Variants in RIPOR2 observed in about 807,000 individuals in gnomAD.
RIPOR2 encodes the protein RHO family interacting cell polarization regulator 2.
A neutral mutation model predicts 114.5 loss-of-function variants in RIPOR2; 39 were observed. That is an observed-to-expected ratio of 0.34 (90% confidence interval 0.26 to 0.44). The LOEUF (loss-of-function observed/expected upper bound fraction) is 0.44. Ranked by LOEUF, RIPOR2 falls within the 20% of genes least tolerant of loss-of-function variation. The pLI, the probability that RIPOR2 is intolerant of heterozygous loss-of-function variation, is 1.00. For synonymous variants in RIPOR2, 445 were observed against 484.4 expected (o/e 0.92, Z 1.07); for missense variants, 1,007 against 1,255.1 (o/e 0.80, Z 2.99).
intron 13 of RIPOR2, chr6:24,839,823 A>T (rs940507282): frequency 7.5e-7 from 1 of 1,328,252 alleles, no homozygotes; most frequent in Non-Finnish European, 9.6e-7. Context: ...GTTTTACAAA[A>T]GGCGCTAGCT....
chr6:24,877,208 C>T (rs757157277), intron 1 of RIPOR2: 14 of 985,458 alleles, frequency 1.4e-5, no homozygotes, highest in African/African-American at 1.7e-5. Flanking sequence ...CTACGCGAAG[C>T]AGCTCAGCAA....
chr6:24,912,880 T>C (rs1769773785), intron 1 of RIPOR2, among the ~76,000 whole-genome samples: 1 of 152,170 alleles, frequency 6.6e-6, no homozygotes, highest in Non-Finnish European at 1.5e-5. Context: ...AGGCAGATGA[T>C]GTTAGGTACT....
At chr6:24,864,786 AC>A (rs1395622260) in intron 7 of RIPOR2, among the ~76,000 whole-genome samples, 1 of 152,152 alleles carries the variant, frequency 6.6e-6, no homozygotes, top group Non-Finnish European at 1.5e-5. Context: ...ATTAAAAAAA[AC>A]ATTGTAGGCA....
intron 1 of RIPOR2, among the ~76,000 whole-genome samples, chr6:24,997,438 AC>A (rs1775097096): frequency 6.6e-6 from 1 of 152,218 alleles, no homozygotes; most frequent in African/African-American, 2.4e-5. Flanking sequence ...TGCAGTCCTT[AC>A]AGCCTCCATG....
chr6:24,984,477 G>A (rs1224207452), intron 1 of RIPOR2, among the ~76,000 whole-genome samples: 4 of 152,108 alleles, frequency 2.6e-5, no homozygotes, highest in Non-Finnish European at 5.9e-5. Flanking sequence ...TTTCTAATCT[G>A]TAAAACTGGA....
At chr6:24,989,949 T>C (rs939328314) in intron 1 of RIPOR2, among the ~76,000 whole-genome samples, 3 of 151,872 alleles carry the variant, frequency 2.0e-5, no homozygotes, top group African/African-American at 7.3e-5. Flanking sequence ...GAGAATTGCT[T>C]GAACCTGGGA....
At chr6:24,808,201 T>TGATGGATTCTGGA (rs1274912247) in intron 21 of RIPOR2, among the ~76,000 whole-genome samples, 1 of 152,164 alleles carries the variant, frequency 6.6e-6, no homozygotes, top group Non-Finnish European at 1.5e-5. Flanking sequence ...GCAGGTATGG[T>TGATGGATTCTGGA]GATGGCTTCT....
At chr6:24,885,152 G>A (rs764353044) in intron 1 of RIPOR2, among the ~76,000 whole-genome samples, 3 of 152,116 alleles carry the variant, frequency 2.0e-5, no homozygotes, top group South Asian at 2.1e-4. Context: ...TACATAAAGC[G>A]GATTGGAGAC....
At chr6:24,832,759 G>T (rs1051277459) in intron 15 of RIPOR2, among the ~76,000 whole-genome samples, 41 of 152,192 alleles carry the variant, frequency 2.7e-4, no homozygotes, top group African/African-American at 9.9e-4. Flanking sequence ...TCTTACAAAT[G>T]CAGTAATTTT....
chr6:24,895,551 T>C (rs1767784226), intron 1 of RIPOR2, among the ~76,000 whole-genome samples: 1 of 152,156 alleles, frequency 6.6e-6, no homozygotes, highest in South Asian at 2.1e-4. Context: ...AAAGGAGTCA[T>C]TCATGTTCTT....
intron 14 of RIPOR2, among the ~76,000 whole-genome samples, chr6:24,837,911 G>A (rs1761261167): frequency 6.6e-6 from 1 of 152,112 alleles, no homozygotes; most frequent in South Asian, 2.1e-4. Flanking sequence ...ATAGCTTGCT[G>A]TAACTTGAAA....
chr6:24,940,532 C>T (rs779023634), upstream of RIPOR2, among the ~76,000 whole-genome samples: 1 of 152,086 alleles, frequency 6.6e-6, no homozygotes, highest in Non-Finnish European at 1.5e-5. Flanking sequence ...AAAAAAACCA[C>T]AGAGTCAGAA....
intron 13 of RIPOR2, 128 bp from the exon 14 acceptor site, chr6:24,839,400 A>G: frequency 7.0e-7 from 1 of 1,437,674 alleles, no homozygotes; most frequent in South Asian, 1.5e-5. Context: ...TTAGCATTTA[A>G]AAAATGCATT....
chr6:25,023,708 C>G, intron 1 of RIPOR2: 2 of 769,904 alleles, frequency 2.6e-6, no homozygotes, highest in Middle Eastern at 3.4e-4. Flanking sequence ...ACAGCCCACA[C>G]CGTGTTTGTC....
chr6:25,000,913 G>A (rs976546856), intron 1 of RIPOR2, among the ~76,000 whole-genome samples: 4 of 152,268 alleles, frequency 2.6e-5, no homozygotes, highest in African/African-American at 9.6e-5. Flanking sequence ...CATAATTCCT[G>A]TATATTGACC....
intron 8 of RIPOR2, among the ~76,000 whole-genome samples, chr6:24,854,444 G>A (rs745629431): frequency 3.3e-5 from 5 of 152,170 alleles, no homozygotes; most frequent in East Asian, 1.9e-4. Flanking sequence ...ATGAATAAAC[G>A]TGTGGGGACG....
chr6:24,964,236 T>C (rs1773430251), intron 1 of RIPOR2, among the ~76,000 whole-genome samples: 1 of 151,520 alleles, frequency 6.6e-6, no homozygotes, highest in African/African-American at 2.4e-5. Flanking sequence ...ACAATTGAGA[T>C]GGAGAATTGT....
At chr6:24,888,982 C>T (rs893024461) in intron 1 of RIPOR2, among the ~76,000 whole-genome samples, 4 of 152,212 alleles carry the variant, frequency 2.6e-5, no homozygotes, top group Non-Finnish European at 4.4e-5. Context: ...ACTAATTCAG[C>T]CCTTTCAAAC....
upstream of RIPOR2, among the ~76,000 whole-genome samples, chr6:24,937,430 G>C (rs1771874107): frequency 6.6e-6 from 1 of 152,204 alleles, no homozygotes; most frequent in African/African-American, 2.4e-5. Context: ...GACAGGCAGA[G>C]AACTGGAGTT....
Sources: gnomAD v4.1 joint callset for allele counts (sites outside exome capture counted in the v4.1 genomes callset) on GRCh38, gnomAD v4.1.1 for gene constraint, MANE v1.5 for transcripts, NCBI Gene and HGNC (gene_info 2026-07-23, HGNC 2026-07-21) for gene names.